The following TAS2R1 variants were observed in gnomAD, a reference collection of about 807,000 sequenced individuals.
TAS2R1 encodes taste receptor type 2 member 1.
For missense variants in TAS2R1, 370 were observed against 353.4 expected (o/e 1.05, Z -0.38); for synonymous variants, 141 against 134.2 (o/e 1.05, Z -0.35).
At chr5:9,630,608 A>G (rs945624895), upstream of TAS2R1, among the ~76,000 whole-genome samples, 3 of 152,228 alleles carry the variant, frequency 2.0e-5, no homozygotes, top group Admixed American at 6.5e-5. Context: ...ATACATAATA[A>G]AAGTATCTCT....
the TAS2R1 span, among the ~76,000 whole-genome samples, chr5:9,802,036 T>A: frequency 1.6e-3 from 247 of 152,222 alleles, no homozygotes; most frequent in Non-Finnish European, 2.8e-3. Flanking sequence ...TAACCAGGCA[T>A]CCCTAGGGCA....
intron 2 of TAS2R1, among the ~76,000 whole-genome samples, chr5:9,650,120 C>A (rs532294813): frequency 2.6e-5 from 4 of 151,970 alleles, no homozygotes; most frequent in East Asian, 1.9e-4. Context: ...CTTTTAGAGA[C>A]AATTCTTGCT....
At chr5:9,820,281 A>G in the TAS2R1 span, among the ~76,000 whole-genome samples, 1 of 152,290 alleles carries the variant, frequency 6.6e-6, no homozygotes, top group African/African-American at 2.4e-5. Flanking sequence ...ATTTCTGTGG[A>G]AGAAAGATAA....
intron 2 of TAS2R1, among the ~76,000 whole-genome samples, chr5:9,636,192 G>T (rs961397497): frequency 3.3e-5 from 5 of 151,758 alleles, no homozygotes; most frequent in African/African-American, 1.2e-4. Flanking sequence ...TTTCATTGTT[G>T]ACCCAAAGAT....
intron 2 of TAS2R1, among the ~76,000 whole-genome samples, chr5:9,645,937 C>T (rs1010957262): frequency 6.6e-6 from 1 of 152,156 alleles, no homozygotes; most frequent in Non-Finnish European, 1.5e-5. Context: ...TCAGTTGTTA[C>T]TGAAGTGGGC....
the TAS2R1 span, among the ~76,000 whole-genome samples, chr5:9,820,057 G>T: frequency 6.6e-6 from 1 of 151,882 alleles, no homozygotes; most frequent in Non-Finnish European, 1.5e-5. Context: ...TAAAATTGGG[G>T]ATCCAGAAAT....
chr5:9,629,002 G>A lies in TAS2R1; in HGVS notation c.*131C>T. 2 of 938,412 alleles carry A rather than the reference G, an allele frequency of 2.1e-6. No homozygotes were observed. The highest frequency in any genetic ancestry group is 1.5e-6 in the Non-Finnish European group (1 of 663,842). The allele number at this position is 938,412 out of a possible 1,614,324, so 58.1% of individuals were successfully genotyped here. A position where few individuals can be genotyped will look rare whatever the true frequency, so the allele number is the denominator to read the frequency against. ...TAGCATATCCACAGAAATACCTCAG[G>A]CTGGATAAACAGGCCTGAAGGGGAC... On this transcript the variant is annotated 3_prime_UTR_variant, in exon 1 of 1. Transcript: ENST00000382492.
chr5:9,900,904 G>C, the TAS2R1 span, among the ~76,000 whole-genome samples: 340 of 152,262 alleles, frequency 2.2e-3, 4 homozygotes, highest in African/African-American at 7.8e-3. Flanking sequence ...TTTAATTTGC[G>C]TGGGGAAGAA....
intron 2 of TAS2R1, among the ~76,000 whole-genome samples, chr5:9,647,795 T>C (rs1016256982): frequency 1.3e-5 from 2 of 152,198 alleles, no homozygotes; most frequent in African/African-American, 4.8e-5. Flanking sequence ...GAATGTTGTC[T>C]TGTTATCGTT....
upstream of TAS2R1, among the ~76,000 whole-genome samples, chr5:9,630,901 T>G (rs1030673844): frequency 1.3e-5 from 2 of 152,218 alleles, no homozygotes; most frequent in African/African-American, 2.4e-5. Context: ...AAAAATTAAG[T>G]TGGTATTTCT....
chr5:9,798,102 G>C, the TAS2R1 span, among the ~76,000 whole-genome samples: 2 of 152,156 alleles, frequency 1.3e-5, no homozygotes, highest in Non-Finnish European at 2.9e-5. Context: ...AAAACATTAG[G>C]CTAAATGAAA....
the TAS2R1 span, among the ~76,000 whole-genome samples, chr5:9,823,692 GAGGA>G: frequency 3.9e-3 from 514 of 131,166 alleles, 6 homozygotes; most frequent in African/African-American, 0.014. Flanking sequence ...GAAAGGAAGG[GAGGA>G]AGGAAGGGAG....
At chr5:9,895,115 C>A in the TAS2R1 span, among the ~76,000 whole-genome samples, 1 of 152,078 alleles carries the variant, frequency 6.6e-6, no homozygotes, top group East Asian at 1.9e-4. Flanking sequence ...CCAAAGGCCT[C>A]GGCTTTCTCA....
the TAS2R1 span, among the ~76,000 whole-genome samples, chr5:9,762,943 A>G: frequency 3.3e-5 from 5 of 152,224 alleles, no homozygotes; most frequent in Admixed American, 1.3e-4. Flanking sequence ...CCATTTCCCC[A>G]TAGGATTCTT....
chr5:9,774,215 G>A, the TAS2R1 span, among the ~76,000 whole-genome samples: 1 of 152,084 alleles, frequency 6.6e-6, no homozygotes, highest in African/African-American at 2.4e-5. Flanking sequence ...AAGAGACTCA[G>A]GCATCCTTCG....
chr5:9,790,090 T>C, the TAS2R1 span, among the ~76,000 whole-genome samples: 42 of 152,288 alleles, frequency 2.8e-4, no homozygotes, highest in African/African-American at 9.6e-4. Flanking sequence ...TATGCTCCTC[T>C]CACATGCAAT....
chr5:9,674,544 T>C (rs1740832199), intron 1 of TAS2R1, among the ~76,000 whole-genome samples: 1 of 152,174 alleles, frequency 6.6e-6, no homozygotes, highest in Admixed American at 6.5e-5. Context: ...CATGCTTCTG[T>C]TCATCATCCA....
the TAS2R1 span, among the ~76,000 whole-genome samples, chr5:9,808,203 T>C: frequency 6.6e-6 from 1 of 152,198 alleles, no homozygotes; most frequent in Admixed American, 6.5e-5. Context: ...TTGTGAACAC[T>C]GAATGTTGGT....
At chr5:9,861,154 C>A in the TAS2R1 span, among the ~76,000 whole-genome samples, 47 of 150,754 alleles carry the variant, frequency 3.1e-4, no homozygotes, top group African/African-American at 1.0e-3. Context: ...ACACTTCCAG[C>A]TTTTCTTGAA....
Sources: allele counts gnomAD v4.1 joint callset (sites outside exome capture counted in the v4.1 genomes callset), GRCh38; gene constraint gnomAD v4.1.1; transcripts MANE v1.5; gene names NCBI Gene and HGNC (gene_info 2026-07-23, HGNC 2026-07-21).